Variants in CEP128 observed in about 807,000 individuals in gnomAD.
The protein encoded by CEP128 is centrosomal protein 128.
A neutral mutation model predicts 156.7 loss-of-function variants in CEP128; 132 were observed. The ratio of observed to expected loss-of-function variants is 0.84; its 90% CI spans 0.73 to 0.97. The LOEUF (loss-of-function observed/expected upper bound fraction) is 0.97, where lower values mean the gene tolerates loss of function less well. Among genes scored for constraint, CEP128 ranks in the 50% least tolerant of loss-of-function variants. CEP128 has a pLI of 0.00. For missense variants in CEP128, 1,252 were observed against 1,281.9 expected (o/e 0.98, Z 0.36); for synonymous variants, 469 against 448.9 (o/e 1.04, Z -0.57).
At chr14:80,726,495 A>T (rs1053711767) in intron 19 of CEP128, among the ~76,000 whole-genome samples, 2 of 152,186 alleles carry the variant, frequency 1.3e-5, no homozygotes, top group Admixed American at 6.5e-5. Flanking sequence ...TTTTGTGTAA[A>T]TTGTCTTTTA....
At chr14:80,740,254 T>C (rs1232371727) in intron 19 of CEP128, among the ~76,000 whole-genome samples, 1 of 152,098 alleles carries the variant, frequency 6.6e-6, no homozygotes, top group African/African-American at 2.4e-5. Context: ...GACACAGCAT[T>C]CAGCAAAACA....
chr14:80,840,887 A>G, intron 9 of CEP128, 119 bp from the exon 10 acceptor site: 1 of 657,774 alleles, frequency 1.5e-6, no homozygotes. Flanking sequence ...CACAAAATCT[A>G]TAAATTACAG....
At chr14:80,644,061 C>T (rs180767772) in intron 19 of CEP128, among the ~76,000 whole-genome samples, 2 of 152,204 alleles carry the variant, frequency 1.3e-5, no homozygotes, top group African/African-American at 4.8e-5. Flanking sequence ...CATGTGAAGA[C>T]AAAGGAAGAG....
chr14:80,600,844 T>C (rs1350210404), intron 19 of CEP128, among the ~76,000 whole-genome samples: 1 of 149,864 alleles, frequency 6.7e-6, no homozygotes, highest in East Asian at 2.0e-4. Flanking sequence ...TATGATATAA[T>C]CTGTATCACA....
chr14:80,737,267 G>C (rs941064878), intron 19 of CEP128, among the ~76,000 whole-genome samples: 1 of 152,034 alleles, frequency 6.6e-6, no homozygotes, highest in Non-Finnish European at 1.5e-5. Flanking sequence ...AGCCAGGCGT[G>C]GTGGCACACA....
intron 8 of CEP128, among the ~76,000 whole-genome samples, chr14:80,878,306 ACACCC>A (rs1446145587): frequency 1.3e-5 from 2 of 151,982 alleles, no homozygotes; most frequent in Non-Finnish European, 2.9e-5. Flanking sequence ...GAACCAGAAA[ACACCC>A]CATCTACCTG....
chr14:80,927,682 A>G (rs1338166874), intron 2 of CEP128, among the ~76,000 whole-genome samples: 1 of 152,074 alleles, frequency 6.6e-6, no homozygotes, highest in African/African-American at 2.4e-5. Flanking sequence ...ACCTCAGTGC[A>G]TTTCACTGAG....
At chr14:80,530,915 C>T (rs1360936004) in intron 21 of CEP128, 29 bp from the exon 22 acceptor site, 2 of 1,473,068 alleles carry the variant, frequency 1.4e-6, no homozygotes, top group Non-Finnish European at 1.9e-6. Flanking sequence ...GGAAACCAAA[C>T]ATTATAAAAA....
At chr14:80,935,753 C>G (rs956333274) in intron 2 of CEP128, among the ~76,000 whole-genome samples, 4 of 148,916 alleles carry the variant, frequency 2.7e-5, no homozygotes, top group African/African-American at 5.0e-5. Context: ...TGGTGGTGGT[C>G]ATCATGGTAG....
At chr14:80,874,762 C>T (rs563626942) in intron 8 of CEP128, among the ~76,000 whole-genome samples, 77 of 152,164 alleles carry the variant, frequency 5.1e-4, no homozygotes, top group African/African-American at 1.7e-3. Context: ...GGACTACAGG[C>T]GCCCACCGCC....
At chr14:80,566,631 T>C (rs1890920749) in intron 20 of CEP128, among the ~76,000 whole-genome samples, 3 of 152,250 alleles carry the variant, frequency 2.0e-5, no homozygotes, top group African/African-American at 2.4e-5. Context: ...TAAAATTGTA[T>C]GCTATCTATT....
chr14:80,750,693 G>C (rs1045288575), intron 18 of CEP128, among the ~76,000 whole-genome samples: 1 of 152,102 alleles, frequency 6.6e-6, no homozygotes, highest in Non-Finnish European at 1.5e-5. Flanking sequence ...CCTAAGAGAT[G>C]GTAATGGAGA....
chr14:80,562,103 T>C lies in CEP128; in HGVS notation c.2857-2801A>G, dbSNP rs202212277. Reference sequence around the variant, plus strand: ...CCACCACATCCGGCTAATTTTTTTATTTTTAGTAGAGACGGGGTTTCACCA... The same window carrying C: ...CCACCACATCCGGCTAATTTTTTTACTTTTAGTAGAGACGGGGTTTCACCA... On this transcript the variant is annotated intron_variant, in intron 20 of 24. Coordinates refer to ENST00000555265, the MANE Select transcript of CEP128 (RefSeq NM_152446.5). Among the ~76,000 whole-genome samples, 155 of 147,720 alleles carry C rather than the reference T, an allele frequency of 1.0e-3. 3 individuals carry two copies. In the East Asian group the frequency reaches 0.022, roughly 21 times the overall value.
intron 19 of CEP128, among the ~76,000 whole-genome samples, chr14:80,706,058 T>C (rs1429805695): frequency 1.3e-5 from 2 of 152,120 alleles, no homozygotes; most frequent in African/African-American, 2.4e-5. Context: ...AATTAACAAA[T>C]AAGGAGTTGC....
In CEP128 at chr14:80,689,105, C is replaced by T. The variant is rs562990786; in HGVS notation, c.2806+53970G>A. Among the ~76,000 whole-genome samples the T allele has an allele frequency of 1.2e-4, 18 of 152,108 alleles. No homozygotes were observed. In the South Asian group the frequency reaches 3.5e-3, roughly 30 times the overall value. Reference sequence around the variant, plus strand: ...CGGCTAGGCGCAGTGGCACCCAGCACTTTGAGAGGCCGAGGTGGGTGGATC... The same window carrying T: ...CGGCTAGGCGCAGTGGCACCCAGCATTTTGAGAGGCCGAGGTGGGTGGATC... On this transcript the variant is annotated intron_variant, in intron 19 of 24. Transcript: ENST00000555265.
intron 19 of CEP128, among the ~76,000 whole-genome samples, chr14:80,616,012 C>CT (rs2140621018): frequency 6.6e-6 from 1 of 152,334 alleles, no homozygotes; most frequent in Admixed American, 6.5e-5. Flanking sequence ...TACAGAAAGA[C>CT]TATCTAAGCA....
intron 4 of CEP128, among the ~76,000 whole-genome samples, chr14:80,912,944 T>C (rs1884333702): frequency 6.6e-6 from 1 of 152,118 alleles, no homozygotes; most frequent in Non-Finnish European, 1.5e-5. Flanking sequence ...ATTAGAAACA[T>C]GAAGGAATAA....
chr14:80,508,725 G>A (rs1888103901), intron 23 of CEP128, among the ~76,000 whole-genome samples: 1 of 152,078 alleles, frequency 6.6e-6, no homozygotes, highest in African/African-American at 2.4e-5. Flanking sequence ...TACTGGTAGA[G>A]TAATTCATAA....
intron 23 of CEP128, among the ~76,000 whole-genome samples, chr14:80,505,469 CT>C (rs1887928867): frequency 6.6e-6 from 1 of 152,144 alleles, no homozygotes; most frequent in African/African-American, 2.4e-5. Context: ...TATCTTTAAA[CT>C]TATAACCTTT....
Sources: gnomAD v4.1 joint callset for allele counts (sites outside exome capture counted in the v4.1 genomes callset) on GRCh38, gnomAD v4.1.1 for gene constraint, MANE v1.5 for transcripts, NCBI Gene and HGNC (gene_info 2026-07-23, HGNC 2026-07-21) for gene names.